SPOCK1: variants seen among roughly 807,000 people sequenced by gnomAD.
The protein encoded by SPOCK1 is SPARC (osteonectin), cwcv and kazal like domains proteoglycan 1, also known as testican-1.
In SPOCK1, 23 loss-of-function variants were observed where a neutral mutation model predicts 55.3. That is an observed-to-expected ratio of 0.42 (90% CI 0.30 to 0.59). SPOCK1 has a LOEUF of 0.59. SPOCK1 is among the 20% of genes least tolerant of loss of function. The pLI is 0.22. For synonymous variants in SPOCK1, 226 were observed against 221.0 expected (o/e 1.02, Z -0.20); for missense variants, 499 against 552.5 (o/e 0.90, Z 0.97).
At chr5:137,232,672 G>A (rs1756089410) in intron 3 of SPOCK1, among the ~76,000 whole-genome samples, 1 of 152,148 alleles carries the variant, frequency 6.6e-6, no homozygotes, top group South Asian at 2.1e-4. Flanking sequence ...TAGGGCCTGT[G>A]CCTTTCCATA....
At chr5:137,462,436 C>T (rs1353914414) in intron 2 of SPOCK1, among the ~76,000 whole-genome samples, 1 of 152,186 alleles carries the variant, frequency 6.6e-6, no homozygotes, top group Non-Finnish European at 1.5e-5. Context: ...CAAGGTCAGA[C>T]TAATTCCTGC....
At chr5:137,073,686 A>G (rs879105046) in intron 5 of SPOCK1, among the ~76,000 whole-genome samples, 1 of 149,402 alleles carries the variant, frequency 6.7e-6, no homozygotes, top group Admixed American at 6.6e-5. Context: ...TTTTTTTTTT[A>G]CAAGAGAATA....
intron 2 of SPOCK1, among the ~76,000 whole-genome samples, chr5:137,446,242 G>A (rs138792076): frequency 8.6e-4 from 131 of 152,272 alleles, no homozygotes; most frequent in African/African-American, 2.8e-3. Flanking sequence ...AGCACCCAAA[G>A]ACTTTTTTCC....
intron 2 of SPOCK1, among the ~76,000 whole-genome samples, chr5:137,477,553 C>G (rs1753861369): frequency 6.6e-6 from 1 of 152,178 alleles, no homozygotes; most frequent in Non-Finnish European, 1.5e-5. Flanking sequence ...CTCAGTATAA[C>G]TTGCAGGGAA....
chr5:137,041,302 C>T (rs1358771736), intron 6 of SPOCK1, among the ~76,000 whole-genome samples: 1 of 152,042 alleles, frequency 6.6e-6, no homozygotes, highest in East Asian at 1.9e-4. Context: ...TAGTCAGAGA[C>T]CTTCTACCTT....
In SPOCK1 at chr5:136,987,763, T is replaced by C. The variant is rs10045182; in HGVS notation, c.928+659A>G. Among the ~76,000 whole-genome samples the C allele has an allele frequency of 5.8e-3, 889 of 152,190 alleles. 12 individuals are homozygous for C. Among genetic ancestry groups the C allele is most frequent in the African/African-American group, 0.018 (753 of 41,520 alleles). The stretch of plus-strand genomic sequence containing the variant: ...CCCGATGTGGGCCTGTCTCTTCTGG[T>C]CCCATTAACTGTGACTGCCATACTC... On this transcript the variant is annotated intron_variant, in intron 8 of 10. Transcript: ENST00000394945.
chr5:137,050,221 C>T (rs1407064875), intron 6 of SPOCK1, among the ~76,000 whole-genome samples: 281 of 79,738 alleles, frequency 3.5e-3, no homozygotes, highest in Non-Finnish European at 4.4e-3. Flanking sequence ...TGGGCAATGG[C>T]GGGCGCCCCT....
intron 3 of SPOCK1, among the ~76,000 whole-genome samples, chr5:137,190,452 T>C (rs1447704529): frequency 2.0e-5 from 3 of 152,244 alleles, no homozygotes; most frequent in African/African-American, 7.2e-5. Flanking sequence ...TTAGCATTTT[T>C]TAGCAATAAA....
intron 5 of SPOCK1, among the ~76,000 whole-genome samples, chr5:137,102,960 C>T (rs189196259): frequency 6.6e-6 from 1 of 152,064 alleles, no homozygotes; most frequent in East Asian, 1.9e-4. Flanking sequence ...TGGATAACCC[C>T]AATATCTACT....
chr5:137,235,055 C>T (rs1325884921), intron 3 of SPOCK1, among the ~76,000 whole-genome samples: 1 of 152,194 alleles, frequency 6.6e-6, no homozygotes, highest in Non-Finnish European at 1.5e-5. Context: ...TGTGTCTGCT[C>T]CTTCTAGTAG....
At chr5:137,305,813 A>T (rs1757692526) in intron 2 of SPOCK1, among the ~76,000 whole-genome samples, 1 of 152,202 alleles carries the variant, frequency 6.6e-6, no homozygotes, top group East Asian at 1.9e-4. Context: ...AGAGAGCCTC[A>T]GGTCTCCTTC....
chr5:137,181,158 A>C (rs1393732381), intron 3 of SPOCK1, among the ~76,000 whole-genome samples: 3 of 152,218 alleles, frequency 2.0e-5, no homozygotes, highest in African/African-American at 7.2e-5. Context: ...AATAGTATCA[A>C]GTTGGGCACC....
Position 136,978,542 on chromosome 5 carries a change from G to T in SPOCK1, c.*112C>A. The T allele has an allele frequency of 8.3e-7, 1 of 1,202,166 alleles. No homozygotes were observed. Among genetic ancestry groups the T allele is most frequent in the Non-Finnish European group, 1.2e-6 (1 of 862,998 alleles). 74.5% of individuals were successfully genotyped at this position (1,202,166 alleles called of 1,614,324 possible). A position where few individuals can be genotyped will look rare whatever the true frequency, so the allele number is the denominator to read the frequency against. On this transcript the variant is annotated 3_prime_UTR_variant, in exon 11 of 11. Coordinates refer to ENST00000394945, the MANE Select transcript of SPOCK1 (RefSeq NM_004598.4). ...TCTTCCAAACCTTAGGTCGGGTATA[G>T]AGAGCAACAATGGAGAAGAGACCTT...
intron 6 of SPOCK1, among the ~76,000 whole-genome samples, chr5:137,064,459 G>T (rs1580732081): frequency 1.3e-5 from 2 of 152,082 alleles, no homozygotes; most frequent in African/African-American, 4.8e-5. Flanking sequence ...TCTGCAATAG[G>T]CACAGAAATA....
chr5:137,016,698 A>C (rs971896547), intron 6 of SPOCK1, among the ~76,000 whole-genome samples: 1 of 152,230 alleles, frequency 6.6e-6, no homozygotes, highest in Non-Finnish European at 1.5e-5. Context: ...GAAGGAAACA[A>C]ACAACCCAAC....
At chr5:137,475,572 A>C (rs996192748) in intron 2 of SPOCK1, among the ~76,000 whole-genome samples, 12 of 147,216 alleles carry the variant, frequency 8.2e-5, no homozygotes, top group Non-Finnish European at 1.6e-4. Flanking sequence ...AAGTATCTTT[A>C]TTTATTTATT....
intron 6 of SPOCK1, 105 bp from the exon 7 acceptor site, chr5:136,992,705 C>A: frequency 1.3e-6 from 1 of 757,204 alleles, no homozygotes; most frequent in Non-Finnish European, 2.2e-6. Context: ...TCTATCCAAC[C>A]ACGATATAAC....
At position 137,344,353 on chromosome 5, in the gene SPOCK1, A is replaced by C. The variant is rs113280091; in HGVS notation, c.187-77298T>G. ...ACGTTTTATTCTACTTACAAGTCCG[A>C]AGTCATTTCACATTTGCGTGAATAA... On this transcript the variant is annotated intron_variant, in intron 2 of 10. Coordinates refer to ENST00000394945, the MANE Select transcript of SPOCK1 (RefSeq NM_004598.4). 4.5e-3 allele frequency among the ~76,000 whole-genome samples: 688 copies of C among 152,360 alleles called. 6 individuals are homozygous for C. The highest frequency in any genetic ancestry group is 0.015 in the African/African-American group (614 of 41,588).
chr5:137,054,973 T>G (rs1752274150), intron 6 of SPOCK1, among the ~76,000 whole-genome samples: 1 of 152,146 alleles, frequency 6.6e-6, no homozygotes, highest in African/African-American at 2.4e-5. Context: ...TAAATAGGTT[T>G]CCTTGTTTCA....
Sources: gnomAD v4.1 joint callset for allele counts (sites outside exome capture counted in the v4.1 genomes callset) on GRCh38, gnomAD v4.1.1 for gene constraint, MANE v1.5 for transcripts, NCBI Gene and HGNC (gene_info 2026-07-23, HGNC 2026-07-21) for gene names.